The following MICALL1 variants were observed in gnomAD, a reference collection of about 807,000 sequenced individuals.
MICALL1 encodes the protein MICAL like 1.
MICALL1 carries 61 observed loss-of-function variants against 83.7 expected under a neutral mutation model. That is an observed-to-expected ratio of 0.73 (90% confidence interval 0.59 to 0.90). MICALL1 has a LOEUF of 0.90. Among genes scored for constraint, MICALL1 ranks in the 40% least tolerant of loss-of-function variants. The pLI, the probability that MICALL1 is intolerant of heterozygous loss-of-function variation, is 0.00. For missense variants in MICALL1, 1,066 were observed against 1,152.0 expected (o/e 0.93, Z 1.08); for synonymous variants, 481 against 473.6 (o/e 1.02, Z -0.20).
At chr22:37,933,378 G>C (rs1355398733) in intron 13 of MICALL1, among the ~76,000 whole-genome samples, 2 of 152,116 alleles carry the variant, frequency 1.3e-5, no homozygotes, top group Non-Finnish European at 2.9e-5. Context: ...AGGGATGACA[G>C]GCTCTCAGTG....
At chr22:37,933,676 G>A (rs568911830) in intron 13 of MICALL1, among the ~76,000 whole-genome samples, 124 of 152,300 alleles carry the variant, frequency 8.1e-4, no homozygotes, top group African/African-American at 2.8e-3. Context: ...CCCTGTGACC[G>A]TGGAATGCAG....
At chr22:37,923,206 C>G (rs1018258945) in intron 6 of MICALL1, among the ~76,000 whole-genome samples, 1 of 149,330 alleles carries the variant, frequency 6.7e-6, no homozygotes, top group Non-Finnish European at 1.5e-5. Flanking sequence ...GCTGGGAGTA[C>G]AGGCATGAGC....
In MICALL1 at chr22:37,922,793, T is replaced by TTG. The variant is rs1376871617; in HGVS notation, c.1024+368_1024+369insGT. Among the ~76,000 whole-genome samples the TTG allele has an allele frequency of 7.4e-3, 1,030 of 139,654 alleles. 14 individuals are homozygous for TTG. The highest frequency in any genetic ancestry group is 0.025 in the African/African-American group (902 of 35,870). The allele number at this position is 139,654 out of a possible 152,430, so 91.6% of individuals were successfully genotyped here. On this transcript the variant is annotated intron_variant, in intron 6 of 15. Transcript: ENST00000215957. ...CCCAGCTAATTTTGTTTTGTTTTTT[T>TTG]TTGTTTTTTTTTTTTTTTTTTTTTA...
intron 13 of MICALL1, 22 bp from the exon 14 acceptor site, chr22:37,937,058 C>G: frequency 6.5e-7 from 1 of 1,547,906 alleles, no homozygotes; most frequent in Non-Finnish European, 8.7e-7. Context: ...ACTCATGCCC[C>G]CTAACTTTTC....
At chr22:37,934,626 T>G (rs1380300339) in intron 13 of MICALL1, among the ~76,000 whole-genome samples, 1 of 151,314 alleles carries the variant, frequency 6.6e-6, no homozygotes, top group Non-Finnish European at 1.5e-5. Context: ...AGACAGAGTC[T>G]CACTCTGTCG....
At chr22:37,933,151 G>T in intron 13 of MICALL1, 39 bp downstream of exon 13, 1 of 1,602,054 alleles carries the variant, frequency 6.2e-7, no homozygotes, top group Non-Finnish European at 8.5e-7. Flanking sequence ...CACCTGCCCT[G>T]GGGCCTGGTG....
Position 37,924,748 on chromosome 22 carries a change from T to A in MICALL1, c.1082+31T>A. ...TCGATCCCTGAGGGGCTTTCCTGCT[T>A]TGGAGGTCCTGGTGGTGGGAATCAG... On this transcript the variant is annotated intron_variant, in intron 7 of 15. Transcript: ENST00000215957. The surrounding 1 kb of genome is among the most constrained non-coding windows in gnomAD (Gnocchi z 5.2). 6.2e-7 allele frequency: 1 copy of A among 1,605,952 alleles called. No individual in the cohort carries two copies. Among genetic ancestry groups the A allele is most frequent in the Non-Finnish European group, 8.5e-7 (1 of 1,175,064 alleles).
At chr22:37,936,976 T>C in intron 13 of MICALL1, 104 bp from the exon 14 acceptor site, 5 of 855,486 alleles carry the variant, frequency 5.8e-6, no homozygotes, top group Non-Finnish European at 9.2e-6. Flanking sequence ...GCATGGTATT[T>C]AGCATGGGGC....
At position 37,927,722 on chromosome 22, in the gene MICALL1, C is replaced by A. The variant is rs138003560; in HGVS notation, c.1777C>A (p.Pro593Thr). Residue 593 changes from proline to threonine, a missense_variant, in exon 9 of 16, where the codon CCA becomes ACA. Transcript: ENST00000215957. ...PRTRGSSGPQ[P>T]AKPCSGATPT... ...GACCAGGGGCAGCTCAGGTCCCCAG[C>A]CAGCCAAGCCCTGCAGTGGCGCCAC... 259 of 1,613,906 alleles carry A rather than the reference C, an allele frequency of 1.6e-4. No individual in the cohort carries two copies. The highest frequency in any genetic ancestry group is 2.1e-4 in the Non-Finnish European group (250 of 1,180,026).
intron 9 of MICALL1, among the ~76,000 whole-genome samples, chr22:37,928,073 AT>A (rs1438824824): frequency 6.6e-6 from 1 of 151,804 alleles, no homozygotes; most frequent in Non-Finnish European, 1.5e-5. Flanking sequence ...CGCCCGGCTA[AT>A]TTTTTGTATT....
chr22:37,931,928 C>A lies in MICALL1; in HGVS notation c.2011C>A (p.Arg671Ser). The A allele has an allele frequency of 2.5e-6, 4 of 1,614,018 alleles. No homozygotes were observed. The highest frequency in any genetic ancestry group is 3.4e-6 in the Non-Finnish European group (4 of 1,179,972). Residue 671 changes from arginine to serine, a missense_variant, in exon 10 of 16, where the codon CGC becomes AGC. Transcript: ENST00000215957. ...APGHGFPLIK[R>S]KVQADQYIPE... Reference sequence around the variant, plus strand: ...TGGACACGGCTTTCCACTCATCAAACGCAAGGTACCAGCTGGGAGCCCCCC... The same window carrying A: ...TGGACACGGCTTTCCACTCATCAAAAGCAAGGTACCAGCTGGGAGCCCCCC...
At chr22:37,925,136 C>T (rs960893557) in intron 7 of MICALL1, among the ~76,000 whole-genome samples, 3 of 152,188 alleles carry the variant, frequency 2.0e-5, no homozygotes, top group Non-Finnish European at 2.9e-5. Context: ...AGGACATCTA[C>T]TTCAGCTGTT....
rs746725741 is a variant in MICALL1, at chr22:37,932,523, G to C, written c.2017-30G>C. ...AAGGCTCCTGGCAGCAACCAGGCAG[G>C]CCGTCAGGTGACCAGGCACTGTTGG... On this transcript the variant is annotated intron_variant, in intron 10 of 15. Coordinates refer to ENST00000215957, the MANE Select transcript of MICALL1 (RefSeq NM_033386.4). The surrounding 1 kb of genome is among the most constrained non-coding windows in gnomAD (Gnocchi z 4.4). 2 of 1,611,560 alleles carry C rather than the reference G, an allele frequency of 1.2e-6. No individual in the cohort carries two copies. Among genetic ancestry groups the C allele is most frequent in the Non-Finnish European group, 1.7e-6 (2 of 1,178,358 alleles).
In MICALL1 at chr22:37,923,815, C is replaced by T. The variant is rs867064906; in HGVS notation, c.1025-845C>T. Among the ~76,000 whole-genome samples, 16 of 152,294 alleles carry T rather than the reference C, an allele frequency of 1.1e-4. No homozygotes were observed. In the Middle Eastern group the frequency reaches 0.01, roughly 97 times the overall value. Reference sequence around the variant, plus strand: ...TCCACAGGCACACTGCAGGTGACCTCCATGCCCAGCCTCTATGCTTGTCTA... The same window carrying T: ...TCCACAGGCACACTGCAGGTGACCTTCATGCCCAGCCTCTATGCTTGTCTA... On this transcript the variant is annotated intron_variant, in intron 6 of 15. Transcript: ENST00000215957.
intron 3 of MICALL1, 118 bp from the exon 4 acceptor site, chr22:37,917,589 C>G: frequency 1.2e-6 from 1 of 867,564 alleles, no homozygotes; most frequent in African/African-American, 1.7e-5. Flanking sequence ...TGTCCCACTG[C>G]ATTAGGTGGT....
intron 1 of MICALL1, chr22:37,907,301 A>G (rs562480950): frequency 1.2e-4 from 18 of 152,338 alleles, no homozygotes; most frequent in East Asian, 1.2e-3. Context: ...ATAGACACCA[A>G]CCGGGTGCTG....
intron 15 of MICALL1, among the ~76,000 whole-genome samples, chr22:37,938,420 A>G (rs1185655708): frequency 1.3e-5 from 2 of 149,560 alleles, no homozygotes; most frequent in Non-Finnish European, 3.0e-5. Context: ...AAAAAAAAAA[A>G]GTACTGGACT....
intron 9 of MICALL1, among the ~76,000 whole-genome samples, chr22:37,929,782 G>A (rs895681484): frequency 6.6e-6 from 1 of 152,238 alleles, no homozygotes; most frequent in Non-Finnish European, 1.5e-5. Flanking sequence ...ACGCTCTGCA[G>A]GCCTCTGAGC....
At chr22:37,926,124 A>G in intron 8 of MICALL1, 81 bp downstream of exon 8, 1 of 1,458,108 alleles carries the variant, frequency 6.9e-7, no homozygotes. Flanking sequence ...GTGGTGGGGC[A>G]GAGCCTACCA....
Sources: allele counts gnomAD v4.1 joint callset (sites outside exome capture counted in the v4.1 genomes callset), GRCh38; gene constraint gnomAD v4.1.1; non-coding constraint Gnocchi (gnomAD v3.1); transcripts MANE v1.5; gene names NCBI Gene and HGNC (gene_info 2026-07-23, HGNC 2026-07-21).